Variants in ILDR1 observed in about 807,000 individuals in gnomAD.
The protein encoded by ILDR1 is immunoglobulin-like domain-containing receptor 1.
A neutral mutation model predicts 62.4 loss-of-function variants in ILDR1; 56 were observed. The ratio of observed to expected loss-of-function variants is 0.90; its 90% confidence interval spans 0.72 to 1.12. The LOEUF is 1.12. ILDR1 is among the 50% of genes most tolerant of loss of function. The probability of loss-of-function intolerance (pLI) is 0.00; values close to 1 mark genes in which losing one functional copy is unlikely to be tolerated. For missense variants in ILDR1, 736 were observed against 710.6 expected (o/e 1.04, Z -0.41); for synonymous variants, 284 against 277.8 (o/e 1.02, Z -0.22).
At chr3:121,989,025 C>T (rs745917446) in intron 7 of ILDR1, among the ~76,000 whole-genome samples, 25 of 152,028 alleles carry the variant, frequency 1.6e-4, no homozygotes, top group Admixed American at 9.8e-4. Context: ...TTTCTAGCTA[C>T]GGTAGGGGAT....
the ILDR1 span, among the ~76,000 whole-genome samples, chr3:122,041,796 CT>C: frequency 2.3e-4 from 34 of 148,484 alleles, no homozygotes; most frequent in South Asian, 1.5e-3. Flanking sequence ...TTAGATTTAA[CT>C]TTTTTTTTTC....
chr3:122,041,884 A>G, the ILDR1 span, among the ~76,000 whole-genome samples: 11 of 150,512 alleles, frequency 7.3e-5, no homozygotes, highest in African/African-American at 2.4e-4. Flanking sequence ...CTTCCTTTCC[A>G]ATTTGAATGC....
At chr3:122,021,702 A>G (rs1033221025) in intron 1 of ILDR1, among the ~76,000 whole-genome samples, 6 of 152,256 alleles carry the variant, frequency 3.9e-5, no homozygotes, top group African/African-American at 1.4e-4. Flanking sequence ...AATTTTAAAG[A>G]ACGGTGCTTT....
chr3:122,005,233 C>T lies in ILDR1; in HGVS notation c.379+11G>A, dbSNP rs1367307533. 2 of 1,595,298 alleles carry T rather than the reference C, an allele frequency of 1.3e-6. No individual in the cohort carries two copies. The highest frequency in any genetic ancestry group is 1.7e-6 in the Non-Finnish European group (2 of 1,163,266). On this transcript the variant is annotated intron_variant, in intron 3 of 7. Coordinates refer to ENST00000344209, the MANE Select transcript of ILDR1 (RefSeq NM_001199799.2). ...CACCCCCAGTTCCCCTGACACCTCC[C>T]CCGCACTCACGGTTCTGGATGGTGA...
Position 122,022,023 on chromosome 3 carries a change from C to T in ILDR1, c.55G>A (p.Ala19Thr). 6.2e-7 allele frequency: 1 copy of T among 1,610,962 alleles called. No individual in the cohort carries two copies. The highest frequency in any genetic ancestry group is 8.5e-7 in the Non-Finnish European group (1 of 1,178,668). The change falls in exon 1 of 8, where the codon GCA becomes ACA. Residue 19 changes from alanine to threonine, a missense_variant. Ala to Thr is a moderately conservative substitution (Grantham distance 58). Transcript: ENST00000344209. ...PWLLLCTWLP[A>T]GCLSLLVTVQ... ...GTACCATTTTTCCAAGGCTCACCTG[C>T]TGGGAGCCAGGTGCAGAGCAGCAGC...
chr3:122,028,131 T>C, the ILDR1 span, among the ~76,000 whole-genome samples: 1 of 150,768 alleles, frequency 6.6e-6, no homozygotes, highest in African/African-American at 2.4e-5. Flanking sequence ...ATCGAGAGCA[T>C]CCTGGCTAAC....
chr3:122,041,373 T>A, the ILDR1 span, among the ~76,000 whole-genome samples: 3 of 152,344 alleles, frequency 2.0e-5, no homozygotes, highest in African/African-American at 7.2e-5. Context: ...TCTCCCTGTC[T>A]TGCCCTTCTG....
intron 3 of ILDR1, 148 bp downstream of exon 3, chr3:122,005,096 C>G: frequency 1.5e-6 from 1 of 654,570 alleles, no homozygotes; most frequent in Non-Finnish European, 2.7e-6. Context: ...TTCTATGAAG[C>G]TGGCACTTTC....
At chr3:122,013,107 G>A (rs2071728193) in intron 1 of ILDR1, among the ~76,000 whole-genome samples, 2 of 152,176 alleles carry the variant, frequency 1.3e-5, no homozygotes, top group South Asian at 4.1e-4. Flanking sequence ...CACTAAAACA[G>A]AAGGAAACAC....
the ILDR1 span, among the ~76,000 whole-genome samples, chr3:122,048,359 C>T: frequency 8.5e-5 from 13 of 152,260 alleles, no homozygotes; most frequent in East Asian, 2.5e-3. Context: ...CAGATTTTTG[C>T]ATCAGGGATA....
chr3:122,049,722 G>T, the ILDR1 span, among the ~76,000 whole-genome samples: 1 of 152,152 alleles, frequency 6.6e-6, no homozygotes, highest in African/African-American at 2.4e-5. Flanking sequence ...TCCCCATTGT[G>T]GTGGTTTTAA....
At chr3:122,047,970 C>G in the ILDR1 span, among the ~76,000 whole-genome samples, 2 of 152,218 alleles carry the variant, frequency 1.3e-5, no homozygotes, top group Admixed American at 1.3e-4. Context: ...AATTGTTTGG[C>G]TAGGGCATCC....
the ILDR1 span, among the ~76,000 whole-genome samples, chr3:122,053,227 T>C: frequency 6.6e-6 from 1 of 152,214 alleles, no homozygotes; most frequent in South Asian, 2.1e-4. Context: ...TGAGCACATT[T>C]TCATGTGATA....
At chr3:122,001,612 G>A (rs1238879187) in intron 4 of ILDR1, 133 bp downstream of exon 4, 6 of 1,499,166 alleles carry the variant, frequency 4.0e-6, no homozygotes, top group Non-Finnish European at 5.6e-6. Flanking sequence ...GCTTTGATAA[G>A]GGAACTTTAG....
At chr3:122,021,571 A>G (rs1425010661) in intron 1 of ILDR1, among the ~76,000 whole-genome samples, 2 of 152,220 alleles carry the variant, frequency 1.3e-5, no homozygotes, top group Non-Finnish European at 2.9e-5. Flanking sequence ...GTAGATTCAG[A>G]TTCTGGCCAA....
At position 122,007,077 on chromosome 3, in the gene ILDR1, G is replaced by T; in HGVS notation, c.143C>A (p.Thr48Asn). Residue 48 changes from threonine (T) to asparagine (N), a missense_variant, in exon 2 of 8, where the codon ACC becomes AAC. Transcript: ENST00000344209. The part of the protein sequence containing the change: ...FASIILKCDY[T>N]TSAQLQDVVV... ...CACGTCCTGGAGCTGGGCAGAGGTG[G>T]TGTAGTCACATTTGAGGATGATAGA... is the stretch of plus-strand genomic sequence containing the variant. 4.3e-6 allele frequency: 7 copies of T among 1,614,144 alleles called. No individual in the cohort carries two copies. Among genetic ancestry groups the T allele is most frequent in the Non-Finnish European group, 5.9e-6 (7 of 1,180,020 alleles).
At chr3:121,988,651 T>C (rs561393515) in intron 7 of ILDR1, among the ~76,000 whole-genome samples, 1 of 152,376 alleles carries the variant, frequency 6.6e-6, no homozygotes, top group East Asian at 1.9e-4. Flanking sequence ...TGAAAATTTC[T>C]TCCAGTCTAA....
At chr3:122,027,318 T>C in the ILDR1 span, among the ~76,000 whole-genome samples, 1 of 151,986 alleles carries the variant, frequency 6.6e-6, no homozygotes, top group African/African-American at 2.4e-5. Context: ...GCCTCCTGAG[T>C]AGTTGGGATT....
chr3:122,022,203 A>T lies in ILDR1; in HGVS notation c.-126T>A. ...CCTCGGGTTTCCCCTCCCTCGGCGC[A>T]GCGGGGAGGGAGCGTCCGCTCTGGT... On this transcript the variant is annotated 5_prime_UTR_variant, in exon 1 of 8. Transcript: ENST00000344209. The T allele has an allele frequency of 3.6e-6, 3 of 823,446 alleles. No homozygotes were observed. The highest frequency in any genetic ancestry group is 5.7e-6 in the Non-Finnish European group (3 of 529,098). The allele number at this position is 823,446 out of a possible 1,614,324, so 51.0% of individuals were successfully genotyped here. A position where few individuals can be genotyped will look rare whatever the true frequency, so the allele number is the denominator to read the frequency against.
Sources: gnomAD v4.1 joint callset for allele counts (sites outside exome capture counted in the v4.1 genomes callset) on GRCh38, gnomAD v4.1.1 for gene constraint, MANE v1.5 for transcripts, NCBI Gene and HGNC (gene_info 2026-07-23, HGNC 2026-07-21) for gene names.